Variants in DNAH6 observed in about 807,000 individuals in gnomAD.
DNAH6 encodes the protein dynein axonemal heavy chain 6, also known as axonemal beta dynein heavy chain 6.
Under a neutral mutation model 491.4 loss-of-function variants are expected in DNAH6, and 340 were observed. That is an observed-to-expected ratio of 0.69 (90% CI 0.63 to 0.76). The LOEUF (loss-of-function observed/expected upper bound fraction) is 0.76, where lower values mean the gene tolerates loss of function less well. Ranked by LOEUF, DNAH6 falls within the 30% of genes least tolerant of loss-of-function variation. The probability of loss-of-function intolerance (pLI) is 0.00; values close to 1 mark genes in which losing one functional copy is unlikely to be tolerated. For missense variants in DNAH6, 4,443 were observed against 4,972.2 expected, an observed-to-expected ratio of 0.89 and a Z score of 3.20; for synonymous variants, 1,603 against 1,686.1, an observed-to-expected ratio of 0.95 and a Z score of 1.21.
At chr2:84,504,117 C>T in the DNAH6 span, among the ~76,000 whole-genome samples, 1 of 152,030 alleles carries the variant, frequency 6.6e-6, no homozygotes, top group Non-Finnish European at 1.5e-5. Context: ...TCTCCTCTGA[C>T]CGTGTATTTT....
rs115466023 is a variant in DNAH6, at chr2:84,643,344, C to A, written c.5078+1290C>A. On this transcript the variant is annotated intron_variant, in intron 33 of 76. Transcript: ENST00000389394. ...TCTATGGTTTTAAAGTGACCTGCTT[C>A]GGTATAATTTTTAGGTATTTATCCT... Among the ~76,000 whole-genome samples, 30 of 151,664 alleles carry A rather than the reference C, an allele frequency of 2.0e-4. 1 individual carries two copies. The South Asian group carries it at 5.2e-3, about 26-fold the overall frequency.
At chr2:84,642,384 C>T (rs575398136) in intron 33 of DNAH6, among the ~76,000 whole-genome samples, 1 of 152,128 alleles carries the variant, frequency 6.6e-6, no homozygotes, top group East Asian at 1.9e-4. Flanking sequence ...TTGCTTTTAT[C>T]CATTTTGTTG....
intron 42 of DNAH6, among the ~76,000 whole-genome samples, chr2:84,682,744 A>AGG (rs1432888271): frequency 2.6e-5 from 4 of 152,040 alleles, no homozygotes; most frequent in African/African-American, 9.7e-5. Flanking sequence ...ATATATCCCG[A>AGG]ATCTAACCAC....
chr2:84,545,027 A>G (rs1678638967), intron 5 of DNAH6, among the ~76,000 whole-genome samples: 1 of 152,144 alleles, frequency 6.6e-6, no homozygotes, highest in African/African-American at 2.4e-5. Flanking sequence ...AAGTGTGACC[A>G]TATTTATAAT....
intron 39 of DNAH6, among the ~76,000 whole-genome samples, chr2:84,671,292 C>A (rs1692713146): frequency 6.6e-6 from 1 of 152,148 alleles, no homozygotes; most frequent in Non-Finnish European, 1.5e-5. Flanking sequence ...GAGCTGTTTG[C>A]AAGCCAGGCA....
At chr2:84,665,922 C>T (rs1186947536) in intron 37 of DNAH6, among the ~76,000 whole-genome samples, 2 of 152,158 alleles carry the variant, frequency 1.3e-5, no homozygotes, top group Non-Finnish European at 2.9e-5. Flanking sequence ...TGGGCTTCAT[C>T]CCTGGGATGC....
In DNAH6 at chr2:84,637,296, G is replaced by T; in HGVS notation, c.4740G>T (p.Gly1580=). The T allele has an allele frequency of 6.4e-7, 1 of 1,551,292 alleles. No individual in the cohort carries two copies. Among genetic ancestry groups the T allele is most frequent in the Non-Finnish European group, 8.7e-7 (1 of 1,146,730 alleles). Residue 1580 remains glycine (G), a synonymous_variant, in exon 31 of 77, where the codon GGG becomes GGT. Transcript: ENST00000389394. The part of the protein sequence containing the change: ...AFITMNPGYA[G]RTELPDNLKA... Reference sequence around the variant, plus strand: ...TCACAATGAATCCTGGCTATGCAGGGAGAACTGAATTGCCAGATAATTTGA... The same window carrying T: ...TCACAATGAATCCTGGCTATGCAGGTAGAACTGAATTGCCAGATAATTTGA...
intron 68 of DNAH6, among the ~76,000 whole-genome samples, chr2:84,791,413 A>G (rs1470477364): frequency 1.3e-5 from 2 of 151,994 alleles, no homozygotes; most frequent in South Asian, 2.1e-4. Flanking sequence ...TATGCTAAGT[A>G]AAAGAAGCCA....
At chr2:84,500,861 TG>T in the DNAH6 span, among the ~76,000 whole-genome samples, 6 of 152,242 alleles carry the variant, frequency 3.9e-5, no homozygotes, top group Non-Finnish European at 7.3e-5. Context: ...TACTGATTTT[TG>T]TATGTTGATT....
chr2:84,628,899 T>C (rs1024797770), intron 29 of DNAH6, among the ~76,000 whole-genome samples: 6 of 152,214 alleles, frequency 3.9e-5, no homozygotes, highest in Middle Eastern at 3.2e-3. Flanking sequence ...GATAAAATGT[T>C]ACCAGCGCAC....
chr2:84,547,486 A>G lies in DNAH6; in HGVS notation c.1066-6A>G. 6 of 1,551,650 alleles carry G rather than the reference A, an allele frequency of 3.9e-6. No individual in the cohort carries two copies. The highest frequency in any genetic ancestry group is 4.4e-6 in the Non-Finnish European group (5 of 1,146,908). On this transcript the variant is annotated splice_polypyrimidine_tract_variant and splice_region_variant and intron_variant, in intron 6 of 76. Transcript: ENST00000389394. ...TCACTAACTGTACATATTCAACAAT[A>G]TCTAGGTGACAGAACGCCTAGGAGA...
intron 21 of DNAH6, among the ~76,000 whole-genome samples, 153 bp downstream of exon 21, chr2:84,607,248 G>A (rs1022886202): frequency 6.6e-6 from 1 of 152,186 alleles, no homozygotes; most frequent in Non-Finnish European, 1.5e-5. Flanking sequence ...TAAGGGAAAT[G>A]CACAGGTATT....
At chr2:84,715,734 C>A in intron 58 of DNAH6, 107 bp downstream of exon 58, 2 of 1,027,816 alleles carry the variant, frequency 1.9e-6, no homozygotes, top group Non-Finnish European at 2.9e-6. Flanking sequence ...AAGAGCACTA[C>A]ACATGAACCC....
the DNAH6 span, among the ~76,000 whole-genome samples, chr2:84,487,647 G>A: frequency 1.3e-5 from 2 of 152,228 alleles, no homozygotes; most frequent in East Asian, 3.8e-4. Flanking sequence ...ATCTTGAGCA[G>A]CCCTTGTAGA....
In DNAH6 at chr2:84,709,566, G is replaced by A. The variant is rs1209511649; in HGVS notation, c.9252+20G>A. On this transcript the variant is annotated intron_variant, in intron 55 of 76. Transcript: ENST00000389394. ...GATCAGGTGTGTAGCAAATGCTTAA[G>A]AGAGTGGCTTTTGGTTCTGCTTAAT... 15 of 1,550,478 alleles carry A rather than the reference G, an allele frequency of 9.7e-6. No individual in the cohort carries two copies. The East Asian group carries it at 2.0e-4, about 20-fold the overall frequency.
intron 33 of DNAH6, among the ~76,000 whole-genome samples, chr2:84,645,687 T>G (rs187713057): frequency 6.6e-6 from 1 of 152,292 alleles, no homozygotes; most frequent in African/African-American, 2.4e-5. Context: ...ATTGCAAAAA[T>G]ATTCACATGA....
intron 11 of DNAH6, among the ~76,000 whole-genome samples, chr2:84,559,922 A>T (rs996620086): frequency 1.3e-5 from 2 of 152,196 alleles, no homozygotes; most frequent in Non-Finnish European, 2.9e-5. Flanking sequence ...ACACTACTAT[A>T]GAAGAATGAT....
At chr2:84,731,165 T>A (rs926410092) in intron 61 of DNAH6, among the ~76,000 whole-genome samples, 3 of 152,180 alleles carry the variant, frequency 2.0e-5, no homozygotes, top group African/African-American at 7.2e-5. Flanking sequence ...CCCTTCCTGC[T>A]CCCAGCTTAG....
Position 84,669,483 on chromosome 2 carries a change from G to T in DNAH6, c.6279G>T (p.Leu2093Phe). The change falls in exon 38 of 77, where the codon TTG becomes TTT. Residue 2093 changes from leucine to phenylalanine, a missense_variant. Around this residue, in one of 3 missense-constraint regions of DNAH6, gnomAD observed 2,977 missense variants for 3,296.6 expected, o/e 0.90. Coordinates refer to ENST00000389394, the MANE Select transcript of DNAH6 (RefSeq NM_001370.2). ...TACTGGCAGTCAAGCATTCCGTGTT[G>T]TTTACTGGAATAACTGGAGTGGGCA... Reference protein sequence around the residue: ...EKLLAVKHSVLFTGITGVGKS... With the variant: ...EKLLAVKHSVFFTGITGVGKS... 7 of 1,551,772 alleles carry T rather than the reference G, an allele frequency of 4.5e-6. No homozygotes were observed. Among genetic ancestry groups the T allele is most frequent in the Non-Finnish European group, 6.1e-6 (7 of 1,146,970 alleles).
Sources: gnomAD v4.1 joint callset for allele counts (sites outside exome capture counted in the v4.1 genomes callset) on GRCh38, gnomAD v4.1.1 for gene constraint, gnomAD v4.1.1 regional missense constraint, MANE v1.5 for transcripts, NCBI Gene and HGNC (gene_info 2026-07-23, HGNC 2026-07-21) for gene names.